TECPR2: variants seen among roughly 807,000 people sequenced by gnomAD.
TECPR2 encodes the protein tectonin beta-propeller repeat-containing protein 2.
Under a neutral mutation model 138.1 loss-of-function variants are expected in TECPR2, and 65 were observed. That is an observed-to-expected ratio of 0.47 (90% CI 0.39 to 0.58). TECPR2 has a LOEUF of 0.58. TECPR2 is among the 20% of genes least tolerant of loss of function. The pLI is 0.00. For missense variants in TECPR2, 1,553 were observed against 1,824.5 expected (o/e 0.85, Z 2.71); for synonymous variants, 746 against 749.8 (o/e 0.99, Z 0.08).
chr14:102,455,366 A>G (rs1458156688), intron 16 of TECPR2, among the ~76,000 whole-genome samples: 1 of 152,218 alleles, frequency 6.6e-6, no homozygotes, highest in African/African-American at 2.4e-5. Context: ...GTGGGGACTC[A>G]TGGCAGAGGC....
At chr14:102,446,706 T>C (rs1247492686) in intron 13 of TECPR2, among the ~76,000 whole-genome samples, 1 of 152,204 alleles carries the variant, frequency 6.6e-6, no homozygotes. Context: ...ATTCCTTTTT[T>C]CTATTTGATG....
chr14:102,496,432 C>G (rs1248498691), intron 17 of TECPR2, among the ~76,000 whole-genome samples: 1 of 152,244 alleles, frequency 6.6e-6, no homozygotes, highest in African/African-American at 2.4e-5. Context: ...ACCGGAGATG[C>G]TGAGCATGGA....
intron 17 of TECPR2, among the ~76,000 whole-genome samples, chr14:102,467,683 T>A (rs1792159179): frequency 1.3e-5 from 2 of 152,192 alleles, no homozygotes; most frequent in Non-Finnish European, 2.9e-5. Context: ...CTCATATGTC[T>A]AATTTTTTAA....
In TECPR2 at chr14:102,452,536, G is replaced by A. The variant is rs564868110; in HGVS notation, c.3549G>A (p.Ala1183=). 1.1e-5 allele frequency: 18 copies of A among 1,611,670 alleles called. No individual in the cohort carries two copies. Among genetic ancestry groups the A allele is most frequent in the African/African-American group, 2.7e-5 (2 of 75,064 alleles). Residue 1183 remains alanine, a synonymous_variant, in exon 16 of 20, where the codon GCG becomes GCA. Transcript: ENST00000359520. ...AYAACQDALW[A]LDSLGQVFIR... The stretch of plus-strand genomic sequence containing the variant: ...CCGCCTGCCAGGATGCGCTGTGGGC[G>A]CTGGACAGCCTCGGCCAGGTGTTCA...
intron 1 of TECPR2, 105 bp from the exon 2 acceptor site, chr14:102,376,545 C>T (rs1371900512): frequency 8.2e-6 from 5 of 609,160 alleles, no homozygotes; most frequent in Non-Finnish European, 1.5e-5. Context: ...ATTTAAGCTC[C>T]AGCTATAATG....
intron 16 of TECPR2, among the ~76,000 whole-genome samples, chr14:102,458,966 CATATAT>C (rs3068229): frequency 8.9e-4 from 123 of 138,368 alleles, no homozygotes; most frequent in African/African-American, 2.5e-3. Context: ...AAAATACACA[CATATAT>C]ATATATATAT....
intron 1 of TECPR2, among the ~76,000 whole-genome samples, chr14:102,364,514 G>A (rs777175578): frequency 6.6e-6 from 1 of 152,164 alleles, no homozygotes; most frequent in Non-Finnish European, 1.5e-5. Context: ...CTAAGTGCAG[G>A]TGTAGGGGAC....
intron 2 of TECPR2, among the ~76,000 whole-genome samples, chr14:102,395,881 A>T (rs916121302): frequency 6.6e-6 from 1 of 152,210 alleles, no homozygotes; most frequent in African/African-American, 2.4e-5. Flanking sequence ...AAAACATGGT[A>T]GGAATTAGTT....
At chr14:102,425,314 A>G in intron 6 of TECPR2, 23 bp downstream of exon 6, 1 of 1,553,150 alleles carries the variant, frequency 6.4e-7, no homozygotes, top group South Asian at 1.2e-5. Context: ...ACGCCACCAT[A>G]TCTTCTGTGT....
chr14:102,376,318 A>C (rs1382841704), intron 1 of TECPR2, among the ~76,000 whole-genome samples: 2 of 152,042 alleles, frequency 1.3e-5, no homozygotes, highest in Non-Finnish European at 2.9e-5. Flanking sequence ...TTATCACCTC[A>C]TTACTTGTGG....
intron 17 of TECPR2, among the ~76,000 whole-genome samples, chr14:102,477,832 G>A (rs1245275086): frequency 7.0e-6 from 1 of 143,160 alleles, no homozygotes; most frequent in East Asian, 2.1e-4. Flanking sequence ...CTACTCAGGA[G>A]GCCGAGGCAG....
chr14:102,441,550 C>T (rs1452227591), intron 11 of TECPR2, among the ~76,000 whole-genome samples: 2 of 151,458 alleles, frequency 1.3e-5, no homozygotes, highest in African/African-American at 4.8e-5. Context: ...ATTAGCTGGG[C>T]GTGGTGGCGC....
intron 2 of TECPR2, among the ~76,000 whole-genome samples, chr14:102,382,437 C>T (rs898591192): frequency 1.7e-4 from 26 of 152,256 alleles, no homozygotes; most frequent in African/African-American, 5.5e-4. Context: ...ACACAATACA[C>T]GAAGCAGAAA....
chr14:102,483,294 G>A (rs1367484392), intron 17 of TECPR2, among the ~76,000 whole-genome samples: 1 of 152,132 alleles, frequency 6.6e-6, no homozygotes, highest in African/African-American at 2.4e-5. Flanking sequence ...TTGCAGCCAG[G>A]TGGTTGCAGC....
At chr14:102,410,634 TGG>T (rs1888817843) in intron 4 of TECPR2, among the ~76,000 whole-genome samples, 1 of 152,028 alleles carries the variant, frequency 6.6e-6, no homozygotes, top group African/African-American at 2.4e-5. Context: ...AGCTCCTGTA[TGG>T]ATACTCCTTT....
intron 16 of TECPR2, among the ~76,000 whole-genome samples, chr14:102,463,586 G>A (rs1015383442): frequency 6.6e-6 from 1 of 151,920 alleles, no homozygotes; most frequent in Admixed American, 6.6e-5. Flanking sequence ...GAGGGCATTG[G>A]CCAGAAGGGA....
intron 16 of TECPR2, among the ~76,000 whole-genome samples, chr14:102,457,869 C>CTTTTTTTTTTTTTTTTTTTTTT (rs748372168): frequency 2.9e-5 from 3 of 102,746 alleles, no homozygotes; most frequent in African/African-American, 8.2e-5. Context: ...ACTAAATTCC[C>CTTTTTTTTTTTTTTTTTTTTTT]TTTTTTTTTT....
intron 1 of TECPR2, among the ~76,000 whole-genome samples, chr14:102,369,045 G>A (rs1026044929): frequency 5.3e-5 from 8 of 152,146 alleles, no homozygotes; most frequent in Non-Finnish European, 8.8e-5. Context: ...GCAGCCCTGC[G>A]CTCCCTCCCT....
chr14:102,389,647 C>A (rs866940857), intron 2 of TECPR2, among the ~76,000 whole-genome samples: 2 of 152,118 alleles, frequency 1.3e-5, no homozygotes, highest in Non-Finnish European at 2.9e-5. Flanking sequence ...GAAACTGGAT[C>A]CCTACCTCAC....
Sources: allele counts gnomAD v4.1 joint callset (sites outside exome capture counted in the v4.1 genomes callset), GRCh38; gene constraint gnomAD v4.1.1; transcripts MANE v1.5; gene names NCBI Gene and HGNC (gene_info 2026-07-23, HGNC 2026-07-21).